GALNT14: variants seen among roughly 807,000 people sequenced by gnomAD.
GALNT14 encodes polypeptide N-acetylgalactosaminyltransferase 14.
In GALNT14, 60 loss-of-function variants were observed where a neutral mutation model predicts 77.5. The observed-to-expected ratio is 0.77, with a 90% CI of 0.63 to 0.96. The LOEUF is 0.96. Among genes scored for constraint, GALNT14 ranks in the 40% least tolerant of loss-of-function variants. The pLI is 0.00. For missense variants in GALNT14, 710 were observed against 731.0 expected, an observed-to-expected ratio of 0.97 and a Z score of 0.33; for synonymous variants, 280 against 281.7, an observed-to-expected ratio of 0.99 and a Z score of 0.06.
At chr2:30,887,593 A>G in the GALNT14 span, among the ~76,000 whole-genome samples, 1 of 152,154 alleles carries the variant, frequency 6.6e-6, no homozygotes, top group East Asian at 1.9e-4. Flanking sequence ...TTGTAAAATA[A>G]AAGTTCTTTA....
rs1236596001 is a variant in GALNT14, at chr2:30,955,717, C to A, written c.555G>T (p.Arg185=). The change falls in exon 6 of 15, where the codon CGG becomes CGT. Residue 185 remains arginine, a synonymous_variant. Coordinates refer to ENST00000349752, the MANE Select transcript of GALNT14 (RefSeq NM_024572.4). Reference sequence around the variant, plus strand: ...TGGTGCCCTGGGCGATGTCAGCGCCCCGAATCCGGGACCGGACCAGACCTG... The same window carrying A: ...TGGTGCCCTGGGCGATGTCAGCGCCACGAATCCGGGACCGGACCAGACCTG... ...ERQGLVRSRI[R]GADIAQGTTL... 6.2e-7 allele frequency: 1 copy of A among 1,614,160 alleles called. No homozygotes were observed.
rs368853750 is a variant in GALNT14 at position 31,110,455 on chromosome 2, C to G, written c.129+27503G>C. On this transcript the variant is annotated intron_variant, in intron 1 of 14. Coordinates refer to ENST00000349752, the MANE Select transcript of GALNT14 (RefSeq NM_024572.4). ...TACCCAGAAGGCAACCTCCAATGAG[C>G]AAAATCAGAGCCTACCAAGAAATAC... Among the ~76,000 whole-genome samples, 26 of 152,298 alleles carry G rather than the reference C, an allele frequency of 1.7e-4. No individual in the cohort carries two copies. The South Asian group carries it at 5.2e-3, about 30-fold the overall frequency.
At chr2:30,971,519 T>C (rs958172174) in intron 2 of GALNT14, among the ~76,000 whole-genome samples, 12 of 152,114 alleles carry the variant, frequency 7.9e-5, no homozygotes, top group African/African-American at 2.4e-4. Flanking sequence ...ATCGCTGACA[T>C]GCTGTTTCTT....
At chr2:31,000,918 C>T (rs1670331101) in intron 1 of GALNT14, among the ~76,000 whole-genome samples, 1 of 152,100 alleles carries the variant, frequency 6.6e-6, no homozygotes, top group Non-Finnish European at 1.5e-5. Flanking sequence ...GAATTCTAAC[C>T]CCCACAAACT....
At position 31,012,939 on chromosome 2, in the gene GALNT14, G is replaced by T. The variant is rs1475982161; in HGVS notation, c.130-19932C>A. ...CTAAAGGATTAGATGATTAAATAAAGCAATGGAATAAAGAATGATAAAACT... is the reference window on the plus strand; with the variant it reads ...CTAAAGGATTAGATGATTAAATAAATCAATGGAATAAAGAATGATAAAACT... On this transcript the variant is annotated intron_variant, in intron 1 of 14. Transcript: ENST00000349752. Among the ~76,000 whole-genome samples the T allele has an allele frequency of 2.4e-3, 368 of 152,310 alleles. 2 individuals carry two copies. The highest frequency in any genetic ancestry group is 8.5e-3 in the African/African-American group (354 of 41,582).
At chr2:31,027,861 T>A (rs543740993) in intron 1 of GALNT14, among the ~76,000 whole-genome samples, 3 of 139,454 alleles carry the variant, frequency 2.2e-5, no homozygotes, top group East Asian at 4.5e-4. Context: ...GCGGATATGA[T>A]ACTCTAAGAG....
chr2:31,079,508 G>T (rs1209281733), intron 1 of GALNT14, among the ~76,000 whole-genome samples: 1 of 152,184 alleles, frequency 6.6e-6, no homozygotes, highest in Non-Finnish European at 1.5e-5. Flanking sequence ...CCAGGTGGAG[G>T]TTGTTAAGGG....
rs781162093 is a variant in GALNT14 at position 31,138,278 on chromosome 2, G to A, written c.-192C>T. 1.3e-3 allele frequency: 841 copies of A among 647,068 alleles called. 2 individuals are homozygous for A. Among genetic ancestry groups the A allele is most frequent in the Non-Finnish European group, 1.8e-3 (687 of 389,550 alleles). The allele number at this position is 647,068 out of a possible 1,614,324, so 40.1% of individuals were successfully genotyped here. A position where few individuals can be genotyped will look rare whatever the true frequency, so the allele number is the denominator to read the frequency against. The stretch of plus-strand genomic sequence containing the variant: ...GAAGAGAAGCGAGCCTGGGTGGGGG[G>A]TGCAGGGCGACCCGAAACGTGGCAG... On this transcript the variant is annotated 5_prime_UTR_variant, in exon 1 of 15. Coordinates refer to ENST00000349752, the MANE Select transcript of GALNT14 (RefSeq NM_024572.4).
intron 2 of GALNT14, among the ~76,000 whole-genome samples, chr2:30,978,423 C>T (rs2148370570): frequency 6.6e-6 from 1 of 152,300 alleles, no homozygotes; most frequent in South Asian, 2.1e-4. Flanking sequence ...CTACCGGAGT[C>T]AATTTCTTCA....
chr2:31,090,947 G>C (rs1676706524), intron 1 of GALNT14, among the ~76,000 whole-genome samples: 1 of 152,190 alleles, frequency 6.6e-6, no homozygotes, highest in Non-Finnish European at 1.5e-5. Flanking sequence ...TTAAGTTTTA[G>C]AGGCTGTATT....
intron 13 of GALNT14, among the ~76,000 whole-genome samples, chr2:30,919,380 G>A (rs1176567485): frequency 1.3e-5 from 2 of 152,162 alleles, no homozygotes; most frequent in Non-Finnish European, 2.9e-5. Context: ...GACTGGGGGT[G>A]GAGCAGCATC....
At chr2:30,993,677 A>G (rs1375403854) in intron 1 of GALNT14, among the ~76,000 whole-genome samples, 3 of 152,244 alleles carry the variant, frequency 2.0e-5, no homozygotes, top group Admixed American at 6.5e-5. Context: ...TGGATAGAGC[A>G]CTTCAGAATT....
chr2:31,073,457 T>C (rs1001618728), intron 1 of GALNT14, among the ~76,000 whole-genome samples: 2 of 144,330 alleles, frequency 1.4e-5, no homozygotes, highest in Non-Finnish European at 3.0e-5. Flanking sequence ...ATCTCTACTA[T>C]GACAAAAATT....
chr2:30,924,334 G>T, intron 12 of GALNT14, 71 bp from the exon 13 acceptor site: 1 of 1,527,386 alleles, frequency 6.5e-7, no homozygotes, highest in Non-Finnish European at 9.1e-7. Context: ...AGCTGGAGAG[G>T]GTGGGCAGTG....
chr2:31,045,515 T>C (rs1673386931), intron 1 of GALNT14, among the ~76,000 whole-genome samples: 1 of 152,032 alleles, frequency 6.6e-6, no homozygotes, highest in African/African-American at 2.4e-5. Flanking sequence ...CATGCTGGAG[T>C]TCAGTGGCGC....
intron 1 of GALNT14, among the ~76,000 whole-genome samples, chr2:31,071,063 G>A (rs953579351): frequency 6.6e-6 from 1 of 152,174 alleles, no homozygotes; most frequent in Non-Finnish European, 1.5e-5. Flanking sequence ...GGATACAAAG[G>A]CAGAAAAATG....
At chr2:31,017,400 A>C (rs74808871) in intron 1 of GALNT14, among the ~76,000 whole-genome samples, 2,846 of 152,304 alleles carry the variant, frequency 0.019, 41 homozygotes, top group Non-Finnish European at 0.029. Flanking sequence ...TGACAGCTAA[A>C]TTTACTGTAA....
intron 5 of GALNT14, 74 bp from the exon 6 acceptor site, chr2:30,955,813 C>A (rs963436889): frequency 3.7e-5 from 60 of 1,608,626 alleles, no homozygotes; most frequent in Middle Eastern, 2.0e-4. Flanking sequence ...GAGAAGCCAC[C>A]CAGCATTCCC....
chr2:30,999,314 A>G (rs1022069981), intron 1 of GALNT14, among the ~76,000 whole-genome samples: 6 of 152,178 alleles, frequency 3.9e-5, no homozygotes, highest in African/African-American at 1.2e-4. Flanking sequence ...TTGATCAAGA[A>G]TCTGTCTCCT....
Sources: gnomAD v4.1 joint callset for allele counts (sites outside exome capture counted in the v4.1 genomes callset) on GRCh38, gnomAD v4.1.1 for gene constraint, MANE v1.5 for transcripts, NCBI Gene and HGNC (gene_info 2026-07-23, HGNC 2026-07-21) for gene names.